LANCL2: variants seen among roughly 807,000 people sequenced by gnomAD.
LANCL2 encodes lanC-like protein 2.
Under a neutral mutation model 56.9 loss-of-function variants are expected in LANCL2, and 33 were observed. The observed-to-expected ratio is 0.58, with a 90% confidence interval of 0.44 to 0.78. The LOEUF is 0.78. Among genes scored for constraint, LANCL2 ranks in the 30% least tolerant of loss-of-function variants. LANCL2 has a pLI of 0.00. For missense variants in LANCL2, 562 were observed against 580.2 expected (o/e 0.97, Z 0.32); for synonymous variants, 233 against 228.2 (o/e 1.02, Z -0.19).
intron 5 of LANCL2, among the ~76,000 whole-genome samples, chr7:55,407,188 C>T (rs1232883094): frequency 6.6e-6 from 1 of 152,180 alleles, no homozygotes; most frequent in Non-Finnish European, 1.5e-5. Flanking sequence ...ACTGACTAGG[C>T]TCTTTTCAAT....
At chr7:55,411,676 G>A (rs1486093315) in intron 5 of LANCL2, among the ~76,000 whole-genome samples, 3 of 152,232 alleles carry the variant, frequency 2.0e-5, no homozygotes, top group East Asian at 3.9e-4. Flanking sequence ...TACTCTCTTA[G>A]GAGTGTAGTC....
At chr7:55,391,558 GTTGT>G (rs557986404) in intron 1 of LANCL2, among the ~76,000 whole-genome samples, 428 of 150,436 alleles carry the variant, frequency 2.8e-3, no homozygotes, top group Non-Finnish European at 5.2e-3. Context: ...ATTTCTGCAA[GTTGT>G]TTGTTGTTTT....
chr7:55,425,886 TC>T (rs1337729336), intron 7 of LANCL2, among the ~76,000 whole-genome samples: 1 of 152,220 alleles, frequency 6.6e-6, no homozygotes, highest in Non-Finnish European at 1.5e-5. Context: ...CCTATGCTCC[TC>T]CGCTGAGTTG....
At chr7:55,395,841 A>G (rs1181092218) in intron 2 of LANCL2, among the ~76,000 whole-genome samples, 1 of 152,200 alleles carries the variant, frequency 6.6e-6, no homozygotes, top group African/African-American at 2.4e-5. Flanking sequence ...GCTTCACATC[A>G]TGGATGAGTT....
intron 6 of LANCL2, among the ~76,000 whole-genome samples, chr7:55,415,770 T>C (rs1790529505): frequency 6.6e-6 from 1 of 151,850 alleles, no homozygotes; most frequent in Non-Finnish European, 1.5e-5. Flanking sequence ...CACGTCACCA[T>C]GCCTGGCTAA....
intron 6 of LANCL2, 109 bp downstream of exon 6, chr7:55,412,198 T>C: frequency 4.2e-6 from 4 of 961,002 alleles, no homozygotes; most frequent in Non-Finnish European, 6.2e-6. Flanking sequence ...TAAAAACCTT[T>C]TAGAATGATT....
intron 1 of LANCL2, among the ~76,000 whole-genome samples, 191 bp downstream of exon 1, chr7:55,366,420 C>T (rs893673942): frequency 6.6e-6 from 1 of 152,262 alleles, no homozygotes; most frequent in Non-Finnish European, 1.5e-5. Flanking sequence ...CTGCATGAAC[C>T]ACGTTCCAGC....
At chr7:55,374,505 C>T (rs1291431196) in intron 1 of LANCL2, among the ~76,000 whole-genome samples, 1 of 152,196 alleles carries the variant, frequency 6.6e-6, no homozygotes, top group African/African-American at 2.4e-5. Context: ...TAGATGTTTT[C>T]ACTACCATCT....
chr7:55,372,444 G>A (rs1041262853), intron 1 of LANCL2, among the ~76,000 whole-genome samples: 4 of 151,858 alleles, frequency 2.6e-5, no homozygotes, highest in African/African-American at 9.7e-5. Context: ...AAATTGAAAG[G>A]CTAACTGAGG....
chr7:55,431,450 A>G lies in LANCL2; in HGVS notation c.*130A>G, dbSNP rs1262759081. The G allele has an allele frequency of 1.7e-6, 1 of 594,976 alleles. No individual in the cohort carries two copies. Among genetic ancestry groups the G allele is most frequent in the Non-Finnish European group, 2.9e-6 (1 of 345,184 alleles). 36.9% of individuals were successfully genotyped at this position (594,976 alleles called of 1,614,324 possible). ...CGTCACAGGCCCCTCTGGTTAGACT[A>G]GCATGAGTGACCGAAGCCATCCATC... is the stretch of plus-strand genomic sequence containing the variant. On this transcript the variant is annotated 3_prime_UTR_variant, in exon 9 of 9. Transcript: ENST00000254770.
chr7:55,397,127 A>G (rs13224261), intron 2 of LANCL2: 53,865 of 152,064 alleles, frequency 0.35, 10,042 homozygotes, highest in African/African-American at 0.43. Context: ...CTGAATAGAA[A>G]AATTGAAGAA....
rs535636417 is a variant in LANCL2 at position 55,378,316 on chromosome 7, C to T, written c.204+12087C>T. Among the ~76,000 whole-genome samples the T allele has an allele frequency of 4.6e-5, 7 of 152,036 alleles. No homozygotes were observed. The South Asian group carries it at 1.0e-3, about 23-fold the overall frequency. ...CTCTACTAAAAATACAAAAATTAGCCGGACATGGTGGCGCATGCCTATAAT... is the reference window on the plus strand; with the variant it reads ...CTCTACTAAAAATACAAAAATTAGCTGGACATGGTGGCGCATGCCTATAAT... On this transcript the variant is annotated intron_variant, in intron 1 of 8. Coordinates refer to ENST00000254770, the MANE Select transcript of LANCL2 (RefSeq NM_018697.4).
intron 6 of LANCL2, among the ~76,000 whole-genome samples, chr7:55,419,999 A>G (rs1047004556): frequency 1.3e-5 from 2 of 152,224 alleles, no homozygotes; most frequent in African/African-American, 4.8e-5. Context: ...CAAAAAATCC[A>G]AAATTATCTG....
chr7:55,411,999 C>G lies in LANCL2; in HGVS notation c.918C>G (p.Tyr306Ter). Residue 306 changes from tyrosine to a stop codon, truncating the protein, a stop_gained, in exon 6 of 9, where the codon TAC becomes TAG. Coordinates refer to ENST00000254770, the MANE Select transcript of LANCL2 (RefSeq NM_018697.4). LOFTEE classifies it high-confidence loss of function. ...ACAAAAAATTCCGATCTGGGAATTACCCATCATCATTAAGCAATGAAACAG... is the reference window on the plus strand; with the variant it reads ...ACAAAAAATTCCGATCTGGGAATTAGCCATCATCATTAAGCAATGAAACAG... ...VRHKKFRSGN[Y>*]PSSLSNETDR... The G allele has an allele frequency of 6.2e-7, 1 of 1,614,140 alleles. No homozygotes were observed. The highest frequency in any genetic ancestry group is 8.5e-7 in the Non-Finnish European group (1 of 1,179,974).
intron 6 of LANCL2, among the ~76,000 whole-genome samples, chr7:55,420,320 G>A (rs1027767416): frequency 4.6e-5 from 7 of 152,090 alleles, no homozygotes; most frequent in African/African-American, 1.7e-4. Flanking sequence ...TTGATTCATG[G>A]GTTATTTAGA....
chr7:55,387,640 AG>A (rs1319904252), intron 1 of LANCL2, among the ~76,000 whole-genome samples: 4 of 151,958 alleles, frequency 2.6e-5, no homozygotes, highest in Non-Finnish European at 5.9e-5. Flanking sequence ...GTTTTAACAT[AG>A]AGGATTAATG....
chr7:55,411,755 C>T (rs892764616), intron 5 of LANCL2, 152 bp from the exon 6 acceptor site: 1 of 770,422 alleles, frequency 1.3e-6, no homozygotes. Flanking sequence ...ACAAGTTTTG[C>T]CTAAGTCTTA....
At chr7:55,408,181 A>C (rs1170278039) in intron 5 of LANCL2, among the ~76,000 whole-genome samples, 3 of 152,226 alleles carry the variant, frequency 2.0e-5, no homozygotes, top group Non-Finnish European at 4.4e-5. Flanking sequence ...ATAATAGCTG[A>C]ATTTTTAATA....
rs762966475 is a variant in LANCL2 at position 55,398,482 on chromosome 7, C to T, written c.382C>T (p.Arg128Ter). Residue 128 changes from arginine to a stop codon, truncating the protein, a stop_gained, in exon 3 of 9, where the codon CGA becomes TGA. Transcript: ENST00000254770. LOFTEE classifies it high-confidence loss of function. ...RVTCDQTYLL[R>*]SLDYVKRTLR... ...CACATGTGACCAAACCTACCTGCTC[C>T]GATCCCTGGATTACGTAAAAAGAAC... is the stretch of plus-strand genomic sequence containing the variant. 3.7e-6 allele frequency: 6 copies of T among 1,614,066 alleles called. No individual in the cohort carries two copies. Among genetic ancestry groups the T allele is most frequent in the African/African-American group, 1.3e-5 (1 of 74,910 alleles).
Sources: gnomAD v4.1 joint callset for allele counts (sites outside exome capture counted in the v4.1 genomes callset) on GRCh38, gnomAD v4.1.1 for gene constraint, MANE v1.5 for transcripts, NCBI Gene and HGNC (gene_info 2026-07-23, HGNC 2026-07-21) for gene names.